NNMT: variants seen among roughly 807,000 people sequenced by gnomAD.
The protein encoded by NNMT is nicotinamide N-methyltransferase.
NNMT carries 10 observed loss-of-function variants against 11.7 expected under a neutral mutation model. That is an observed-to-expected ratio of 0.85 (90% CI 0.53 to 1.45). The LOEUF (loss-of-function observed/expected upper bound fraction) is 1.45, where lower values mean the gene tolerates loss of function less well. NNMT is among the 40% of genes most tolerant of loss of function. The pLI is 0.00. For missense variants in NNMT, 381 were observed against 319.4 expected (o/e 1.19, Z -1.47); for synonymous variants, 143 against 133.8 (o/e 1.07, Z -0.48).
At chr11:114,280,711 C>G (rs1028514337) in intron 2 of NNMT, among the ~76,000 whole-genome samples, 3 of 152,092 alleles carry the variant, frequency 2.0e-5, no homozygotes, top group African/African-American at 4.8e-5. Flanking sequence ...ACAAGGACAG[C>G]AGGATGGCTG....
chr11:114,288,004 G>A (rs933892389), intron 2 of NNMT, among the ~76,000 whole-genome samples: 6 of 152,198 alleles, frequency 3.9e-5, no homozygotes, highest in African/African-American at 1.2e-4. Flanking sequence ...GCCATTGTGG[G>A]CAATGTCTGT....
At chr11:114,265,660 G>A (rs1336298082) in intron 2 of NNMT, among the ~76,000 whole-genome samples, 2 of 152,152 alleles carry the variant, frequency 1.3e-5, no homozygotes, top group African/African-American at 2.4e-5. Context: ...CTGGGAGACT[G>A]AGTGTGGTTT....
At position 114,273,607 on chromosome 11, in the gene NNMT, G is replaced by A. The variant is rs952082320; in HGVS notation, c.-130+10673G>A. On this transcript the variant is annotated intron_variant, in intron 2 of 4. Transcript: ENST00000535401. ...GTAATCCCAACACTTTGGGAGGCTC[G>A]GGTGGGTGGATCACCTGAGGTCAGG... Among the ~76,000 whole-genome samples, 4 of 152,084 alleles carry A rather than the reference G, an allele frequency of 2.6e-5. No homozygotes were observed. In the East Asian group the frequency reaches 7.7e-4, roughly 29 times the overall value.
chr11:114,276,385 G>A (rs1022148785), intron 2 of NNMT, among the ~76,000 whole-genome samples: 2 of 152,180 alleles, frequency 1.3e-5, no homozygotes, highest in Non-Finnish European at 2.9e-5. Context: ...GTGGCCCGGC[G>A]AAGGGACTGA....
intron 2 of NNMT, among the ~76,000 whole-genome samples, chr11:114,264,299 TCTTC>T (rs1945104328): frequency 1.3e-5 from 2 of 152,072 alleles, no homozygotes; most frequent in Non-Finnish European, 2.9e-5. Context: ...GCAGACACTG[TCTTC>T]CTTCCTTTTT....
chr11:114,261,580 A>G (rs983309310), intron 1 of NNMT, among the ~76,000 whole-genome samples: 10 of 149,858 alleles, frequency 6.7e-5, no homozygotes, highest in Non-Finnish European at 4.4e-5. Context: ...GCGAAACTCC[A>G]TCTCAAAACA....
At chr11:114,304,392 C>T (rs1945469944) in intron 2 of NNMT, among the ~76,000 whole-genome samples, 1 of 152,198 alleles carries the variant, frequency 6.6e-6, no homozygotes, top group South Asian at 2.1e-4. Context: ...ACAACTAGCT[C>T]TTGAGACACT....
chr11:114,275,009 C>G (rs930744678), intron 2 of NNMT, among the ~76,000 whole-genome samples: 1 of 152,288 alleles, frequency 6.6e-6, no homozygotes, highest in East Asian at 1.9e-4. Context: ...ATTTACTTAC[C>G]TTGCGTAATT....
At chr11:114,298,179 T>C in intron 2 of NNMT, 21 bp downstream of exon 2, 2 of 1,610,060 alleles carry the variant, frequency 1.2e-6, no homozygotes, top group Non-Finnish European at 1.7e-6. Context: ...TGGTGTCTAC[T>C]TCTTGGCTTT....
rs1253117430 is a variant in NNMT at position 114,312,177 on chromosome 11, T to A, written c.495T>A (p.Cys165Ter). 1.2e-6 allele frequency: 2 copies of A among 1,614,114 alleles called. No homozygotes were observed. The highest frequency in any genetic ancestry group is 3.3e-5 in the Admixed American group (2 of 60,012). ...CTGACTGCGTGCTCAGCACACTGTG[T>A]CTGGATGCCGCCTGCCCAGACCTCC... Reference protein sequence around the residue: ...PPADCVLSTLCLDAACPDLPT... With the variant: ...PPADCVLSTL The change falls in exon 3 of 3, where the codon TGT (cysteine) becomes TGA (stop). Residue 165 changes from cysteine to a stop codon, truncating the protein, a stop_gained. Coordinates refer to ENST00000299964, the MANE Select transcript of NNMT (RefSeq NM_006169.3). LOFTEE classifies it low-confidence loss of function (END_TRUNC).
At chr11:114,264,837 G>A (rs538059872) in intron 2 of NNMT, among the ~76,000 whole-genome samples, 2 of 152,330 alleles carry the variant, frequency 1.3e-5, no homozygotes, top group Non-Finnish European at 2.9e-5. Context: ...GGATACAGTT[G>A]AAGAGATGCA....
chr11:114,282,992 A>G (rs1945272837), intron 2 of NNMT, among the ~76,000 whole-genome samples: 1 of 152,246 alleles, frequency 6.6e-6, no homozygotes, highest in African/African-American at 2.4e-5. Flanking sequence ...AGCAAAAATT[A>G]GTATAGCAGA....
chr11:114,260,776 C>G (rs560931), intron 1 of NNMT, among the ~76,000 whole-genome samples: 2 of 151,996 alleles, frequency 1.3e-5, no homozygotes, highest in African/African-American at 4.8e-5. Flanking sequence ...ACTCTGATGC[C>G]AAATAGCTTG....
chr11:114,262,298 C>T (rs548342832), intron 1 of NNMT, among the ~76,000 whole-genome samples: 20 of 152,260 alleles, frequency 1.3e-4, no homozygotes, highest in South Asian at 8.3e-4. Flanking sequence ...CAGATCATCC[C>T]ATCACCTAGT....
chr11:114,297,389 TA>T (rs957474147), intron 1 of NNMT: 2 of 152,112 alleles, frequency 1.3e-5, no homozygotes, highest in Non-Finnish European at 2.9e-5. Context: ...GTGCTTTATT[TA>T]AAATTCAAGT....
intron 2 of NNMT, among the ~76,000 whole-genome samples, chr11:114,307,615 C>A (rs1325770959): frequency 6.6e-6 from 1 of 151,984 alleles, no homozygotes; most frequent in Admixed American, 6.6e-5. Context: ...CTCTCCAGAG[C>A]TTTTGGAATG....
intron 2 of NNMT, among the ~76,000 whole-genome samples, chr11:114,265,834 T>A (rs1945115743): frequency 6.6e-6 from 1 of 151,914 alleles, no homozygotes; most frequent in African/African-American, 2.4e-5. Context: ...TTGTCCAATC[T>A]GTTATTATTA....
intron 1 of NNMT, 148 bp downstream of exon 1, chr11:114,296,858 T>C: frequency 3.9e-6 from 3 of 766,352 alleles, no homozygotes; most frequent in South Asian, 1.7e-5. Context: ...CGAATATTGG[T>C]ATAGCGATTC....
intron 2 of NNMT, among the ~76,000 whole-genome samples, chr11:114,263,366 A>C (rs1002262481): frequency 6.6e-6 from 1 of 152,186 alleles, no homozygotes; most frequent in African/African-American, 2.4e-5. Context: ...AGAAATGATT[A>C]TAACCTTTAC....
Sources: gnomAD v4.1 joint callset for allele counts (sites outside exome capture counted in the v4.1 genomes callset) on GRCh38, gnomAD v4.1.1 for gene constraint, MANE v1.5 for transcripts, NCBI Gene and HGNC (gene_info 2026-07-23, HGNC 2026-07-21) for gene names.